Variants in STK32A observed in about 807,000 individuals in gnomAD.
STK32A encodes serine/threonine kinase 32A, also known as serine/threonine-protein kinase 32A.
In STK32A, 41 loss-of-function variants were observed where a neutral mutation model predicts 53.2. The ratio of observed to expected loss-of-function variants is 0.77; its 90% CI spans 0.60 to 1.00. The LOEUF (loss-of-function observed/expected upper bound fraction) is 1.00, where lower values mean the gene tolerates loss of function less well. Ranked by LOEUF, STK32A falls within the 50% of genes least tolerant of loss-of-function variation. The pLI is 0.00. For synonymous variants in STK32A, 166 were observed against 162.8 expected (o/e 1.02, Z -0.15); for missense variants, 458 against 485.8 (o/e 0.94, Z 0.54).
chr5:147,268,637 C>G (rs1754906772), intron 2 of STK32A, among the ~76,000 whole-genome samples: 1 of 152,104 alleles, frequency 6.6e-6, no homozygotes, highest in African/African-American at 2.4e-5. Flanking sequence ...TCTTTTTTCT[C>G]TACATTCAGC....
intron 5 of STK32A, among the ~76,000 whole-genome samples, chr5:147,336,858 G>A (rs369908333): frequency 2.0e-4 from 30 of 152,094 alleles, no homozygotes; most frequent in Admixed American, 1.2e-3. Flanking sequence ...AGAACTTGGC[G>A]ATGGCCCAAT....
chr5:147,292,229 C>T (rs958335987), intron 4 of STK32A, among the ~76,000 whole-genome samples: 21 of 152,290 alleles, frequency 1.4e-4, no homozygotes, highest in African/African-American at 4.6e-4. Flanking sequence ...TTCAATTCAT[C>T]AAAGCAGTTT....
At chr5:147,356,792 T>C (rs1295723194) in intron 7 of STK32A, among the ~76,000 whole-genome samples, 3 of 151,948 alleles carry the variant, frequency 2.0e-5, no homozygotes, top group Non-Finnish European at 2.9e-5. Context: ...ATAGTGCAAA[T>C]ATTTCAAAAT....
rs1378458966 is a variant in STK32A at position 147,361,509 on chromosome 5, T to G, written c.563-8T>G. 1 of 1,605,312 alleles carries G rather than the reference T, an allele frequency of 6.2e-7. No homozygotes were observed. On this transcript the variant is annotated splice_region_variant and splice_polypyrimidine_tract_variant and intron_variant, in intron 7 of 12. Coordinates refer to ENST00000397936, the MANE Select transcript of STK32A (RefSeq NM_001112724.2). ...AATCAAACTGGTTTAATTTTTCGTGTTTTTCAGCACCTGAGATGTTCAGCT... is the reference window on the plus strand; with the variant it reads ...AATCAAACTGGTTTAATTTTTCGTGGTTTTCAGCACCTGAGATGTTCAGCT...
intron 6 of STK32A, 84 bp from the exon 7 acceptor site, chr5:147,350,981 A>T: frequency 8.8e-7 from 1 of 1,136,122 alleles, no homozygotes; most frequent in Non-Finnish European, 1.3e-6. Flanking sequence ...TAACAGACTA[A>T]TTGGGTGTTT....
At chr5:147,394,499 T>A in the STK32A span, among the ~76,000 whole-genome samples, 1 of 152,182 alleles carries the variant, frequency 6.6e-6, no homozygotes, top group African/African-American at 2.4e-5. Flanking sequence ...TTATCTGTTT[T>A]ACAGAGGAGA....
At chr5:147,393,820 T>G in the STK32A span, 8 of 554,838 alleles carry the variant, frequency 1.4e-5, no homozygotes, top group Non-Finnish European at 2.6e-5. Flanking sequence ...GGGAGGGGAG[T>G]CAAACAAATC....
At chr5:147,286,595 A>G (rs962882826) in intron 4 of STK32A, among the ~76,000 whole-genome samples, 2 of 151,978 alleles carry the variant, frequency 1.3e-5, no homozygotes, top group African/African-American at 4.8e-5. Flanking sequence ...ACCCTTTATT[A>G]TTCTTGTCTC....
At chr5:147,236,147 G>A (rs1753307097) in intron 1 of STK32A, among the ~76,000 whole-genome samples, 1 of 152,230 alleles carries the variant, frequency 6.6e-6, no homozygotes, top group South Asian at 2.1e-4. Flanking sequence ...AGGGAGGCTT[G>A]GTGGTTAGAG....
chr5:147,400,547 A>G, the STK32A span: 62 of 1,124,330 alleles, frequency 5.5e-5, no homozygotes, highest in Non-Finnish European at 7.2e-5. Context: ...ACACTGCCAG[A>G]GCCACATGGT....
At chr5:147,401,674 G>A in the STK32A span, 1 of 1,614,074 alleles carries the variant, frequency 6.2e-7, no homozygotes, top group Non-Finnish European at 8.5e-7. Context: ...TGGCAGTGAT[G>A]GGCTCACCAA....
intron 4 of STK32A, among the ~76,000 whole-genome samples, chr5:147,317,095 G>A (rs1283673971): frequency 3.4e-5 from 5 of 147,086 alleles, no homozygotes; most frequent in Non-Finnish European, 3.0e-5. Context: ...CTTATTAATT[G>A]TATAACTCCT....
intron 2 of STK32A, among the ~76,000 whole-genome samples, chr5:147,269,634 T>TC (rs1229991257): frequency 6.6e-6 from 1 of 151,980 alleles, no homozygotes; most frequent in Non-Finnish European, 1.5e-5. Flanking sequence ...TGATTTTTTT[T>TC]CCCTCCTCTC....
At chr5:147,257,593 A>G (rs11167981) in intron 2 of STK32A, among the ~76,000 whole-genome samples, 115,365 of 152,052 alleles carry the variant, frequency 0.76, 44,019 homozygotes, top group Admixed American at 0.82. Flanking sequence ...TGTGGCCCAC[A>G]ACTCTGGAGG....
intron 2 of STK32A, among the ~76,000 whole-genome samples, chr5:147,267,029 CAAAA>C (rs60526828): frequency 6.6e-5 from 8 of 121,108 alleles, no homozygotes; most frequent in East Asian, 2.6e-4. Context: ...AACTCCATCT[CAAAA>C]AAAAAAAAAA....
At chr5:147,394,935 G>A in the STK32A span, among the ~76,000 whole-genome samples, 1 of 152,032 alleles carries the variant, frequency 6.6e-6, no homozygotes, top group African/African-American at 2.4e-5. Flanking sequence ...TTATAGGAAT[G>A]CGAATCTACA....
chr5:147,384,488 G>A lies in STK32A; in HGVS notation c.*505G>A. On this transcript the variant is annotated 3_prime_UTR_variant, in exon 13 of 13. Coordinates refer to ENST00000397936, the MANE Select transcript of STK32A (RefSeq NM_001112724.2). ...GGATAAAGATAAGGAATTCTATCAGGGAGGCATGAATGGAATCAGATTAAA... is the reference window on the plus strand; with the variant it reads ...GGATAAAGATAAGGAATTCTATCAGAGAGGCATGAATGGAATCAGATTAAA... 1.4e-6 allele frequency: 2 copies of A among 1,421,676 alleles called. No individual in the cohort carries two copies. The highest frequency in any genetic ancestry group is 2.0e-5 in the Admixed American group (1 of 49,652). The allele number at this position is 1,421,676 out of a possible 1,614,324, so 88.1% of individuals were successfully genotyped here.
At chr5:147,401,742 C>T in the STK32A span, 8 of 1,607,392 alleles carry the variant, frequency 5.0e-6, no homozygotes, top group Non-Finnish European at 6.8e-6. Flanking sequence ...AAAGTATATG[C>T]TGCACTGGGC....
intron 2 of STK32A, among the ~76,000 whole-genome samples, chr5:147,264,173 C>T (rs1754706282): frequency 1.3e-5 from 2 of 152,100 alleles, no homozygotes; most frequent in Non-Finnish European, 2.9e-5. Flanking sequence ...ATCCTTCTTA[C>T]AAAGCTGTTT....
Sources: gnomAD v4.1 joint callset for allele counts (sites outside exome capture counted in the v4.1 genomes callset) on GRCh38, gnomAD v4.1.1 for gene constraint, MANE v1.5 for transcripts, NCBI Gene and HGNC (gene_info 2026-07-23, HGNC 2026-07-21) for gene names.